The following ANKAR variants were observed in gnomAD, a reference collection of about 807,000 sequenced individuals.
ANKAR encodes the protein ankyrin and armadillo repeat containing, also known as ankyrin and armadillo repeat-containing protein.
In ANKAR, 136 loss-of-function variants were observed where a neutral mutation model predicts 146.2. The observed-to-expected ratio is 0.93, with a 90% CI of 0.81 to 1.07. ANKAR has a LOEUF of 1.07. Ranked by LOEUF, ANKAR falls within the 50% of genes least tolerant of loss-of-function variation. The pLI is 0.00. For synonymous variants in ANKAR, 500 were observed against 575.8 expected (o/e 0.87, Z 1.88); for missense variants, 1,567 against 1,679.9 (o/e 0.93, Z 1.18).
At chr2:189,762,388 A>C (rs1574946428), downstream of ANKAR, 2 of 174,248 alleles carry the variant, frequency 1.1e-5, no homozygotes, top group Admixed American at 1.3e-4. Flanking sequence ...ACCACACTAA[A>C]GGGACACGGC....
intron 10 of ANKAR, among the ~76,000 whole-genome samples, chr2:189,718,787 G>A (rs2040876071): frequency 6.9e-6 from 1 of 144,058 alleles, no homozygotes; most frequent in African/African-American, 2.6e-5. Flanking sequence ...CTGTCGCCCA[G>A]GCCGGACTGC....
chr2:189,762,962 T>C, downstream of ANKAR: 1 of 985,362 alleles, frequency 1.0e-6, no homozygotes, highest in Non-Finnish European at 1.2e-6. Context: ...ATTACACAGC[T>C]AGTGACTGAT....
intron 20 of ANKAR, 36 bp downstream of exon 20, chr2:189,741,487 A>G (rs1017264377): frequency 7.5e-6 from 11 of 1,475,648 alleles, no homozygotes; most frequent in Non-Finnish European, 8.4e-6. Flanking sequence ...AAAATTAAAT[A>G]TGCTAAAAAT....
chr2:189,676,574 A>G lies in ANKAR; in HGVS notation c.84A>G (p.Gln28=). 1 of 1,611,302 alleles carries G rather than the reference A, an allele frequency of 6.2e-7. No homozygotes were observed. The highest frequency in any genetic ancestry group is 8.5e-7 in the Non-Finnish European group (1 of 1,179,732). ...CCTACCTGGAAAATTTAGCAATACA[A>G]AGAAATGCATCTGCTTTTTTTGAAA... The part of the protein sequence containing the change: ...EDTYLENLAI[Q]RNASAFFEKY... The change falls in exon 2 of 23, where the codon CAA becomes CAG. Residue 28 remains glutamine, a synonymous_variant. Coordinates refer to ENST00000684021, the MANE Select transcript of ANKAR (RefSeq NM_001378068.1).
chr2:189,750,544 T>TAATTA (rs752649105), downstream of ANKAR: 1 of 1,157,824 alleles, frequency 8.6e-7, no homozygotes, highest in South Asian at 1.4e-5. Context: ...TTAACCTTAA[T>TAATTA]ACTACCTTTA....
intron 16 of ANKAR, 117 bp downstream of exon 16, chr2:189,730,718 A>C: frequency 2.1e-6 from 1 of 465,176 alleles, no homozygotes; most frequent in East Asian, 3.8e-5. Context: ...TTTAAACTAA[A>C]TCCTATTTTT....
At position 189,711,249 on chromosome 2, in the gene ANKAR, A is replaced by G. The variant is rs570564850; in HGVS notation, c.2224+96A>G. On this transcript the variant is annotated intron_variant, in intron 10 of 22. Transcript: ENST00000684021. Reference sequence around the variant, plus strand: ...TTAAATATATTTTTAATTGTAAAGGAAAAATTTTAGTTGATTTTCAGTTTC... The same window carrying G: ...TTAAATATATTTTTAATTGTAAAGGGAAAATTTTAGTTGATTTTCAGTTTC... 481 of 937,502 alleles carry G rather than the reference A, an allele frequency of 5.1e-4. 4 individuals are homozygous for G. In the Admixed American group the frequency reaches 0.013, roughly 26 times the overall value. 58.1% of individuals were successfully genotyped at this position (937,502 alleles called of 1,614,324 possible).
At chr2:189,713,637 C>T (rs1229608000) in intron 10 of ANKAR, among the ~76,000 whole-genome samples, 1 of 152,196 alleles carries the variant, frequency 6.6e-6, no homozygotes, top group Non-Finnish European at 1.5e-5. Context: ...AAGGAACAAC[C>T]AGTACCAGCC....
Position 189,696,153 on chromosome 2 carries a change from AT to A in ANKAR, c.1494del (p.Pro499HisfsTer4). 1 of 1,613,744 alleles carries A rather than the reference AT, an allele frequency of 6.2e-7. No homozygotes were observed. Among genetic ancestry groups the A allele is most frequent in the Non-Finnish European group, 8.5e-7 (1 of 1,179,898 alleles). On this transcript the variant is annotated frameshift_variant, in exon 7 of 23. Transcript: ENST00000684021. LOFTEE classifies it high-confidence loss of function. ...GFKRAMKCKSIPFGMKSAVER... is the reference protein window; with the variant it reads ...GFKRAMKCKSXPFGMKSAVER... The stretch of plus-strand genomic sequence containing the variant: ...ATTCTGGCCTTCTTAATTTTAGAGT[AT>A]TCCATTTGGTATGAAGTCCGCTGTT...
At chr2:189,755,800 T>C (rs1463490592) in intron 18 of ANKAR, among the ~76,000 whole-genome samples, 3 of 152,206 alleles carry the variant, frequency 2.0e-5, no homozygotes, top group Non-Finnish European at 1.5e-5. Context: ...GATTTGTTTG[T>C]TGACAAATGA....
At chr2:189,704,591 AT>A (rs2038641240) in intron 7 of ANKAR, among the ~76,000 whole-genome samples, 3 of 109,928 alleles carry the variant, frequency 2.7e-5, no homozygotes, top group South Asian at 2.8e-4. Context: ...ATATATATAT[AT>A]ATATAATTTT....
intron 17 of ANKAR, among the ~76,000 whole-genome samples, chr2:189,733,516 C>T (rs1190393876): frequency 6.6e-6 from 1 of 152,124 alleles, no homozygotes; most frequent in Non-Finnish European, 1.5e-5. Flanking sequence ...TAATTTTATG[C>T]CCTTTCAGCC....
chr2:189,676,441 T>A lies in ANKAR; in HGVS notation c.-35-15T>A. The A allele has an allele frequency of 6.8e-7, 1 of 1,476,334 alleles. No homozygotes were observed. The highest frequency in any genetic ancestry group is 9.0e-7 in the Non-Finnish European group (1 of 1,116,704). 91.5% of individuals were successfully genotyped at this position (1,476,334 alleles called of 1,614,324 possible). On this transcript the variant is annotated splice_polypyrimidine_tract_variant and intron_variant, in intron 1 of 22. Transcript: ENST00000684021. The stretch of plus-strand genomic sequence containing the variant: ...CAGATTTTATTGATAATCTTTTCCT[T>A]CTTATTCATTGCAGAAGCTTCAAAA...
chr2:189,733,518 C>T (rs1443323320), intron 17 of ANKAR, among the ~76,000 whole-genome samples: 1 of 152,130 alleles, frequency 6.6e-6, no homozygotes, highest in Non-Finnish European at 1.5e-5. Flanking sequence ...ATTTTATGCC[C>T]TTTCAGCCCT....
intron 10 of ANKAR, among the ~76,000 whole-genome samples, chr2:189,714,934 A>G (rs920384697): frequency 1.5e-5 from 2 of 131,082 alleles, no homozygotes; most frequent in Non-Finnish European, 1.6e-5. Context: ...CGACAGAGTG[A>G]GACTCCATCT....
chr2:189,692,190 T>G, intron 3 of ANKAR, 65 bp from the exon 4 acceptor site: 1 of 1,344,734 alleles, frequency 7.4e-7, no homozygotes, highest in Non-Finnish European at 1.0e-6. Context: ...AGAAGCTAGA[T>G]CTCTTAAAAT....
Position 189,719,547 on chromosome 2 carries a change from A to C in ANKAR, c.2225-25A>C, listed in dbSNP as rs147659765. 8.6e-4 allele frequency: 1,339 copies of C among 1,551,278 alleles called. 7 individuals are homozygous for C. In the African/African-American group the frequency reaches 0.016, roughly 18 times the overall value. ...TGGTTACCAATAATTCATGCTTTTT[A>C]ATTTTTTTGCTCTTGTCATTACAGG... On this transcript the variant is annotated intron_variant, in intron 10 of 22. Coordinates refer to ENST00000684021, the MANE Select transcript of ANKAR (RefSeq NM_001378068.1).
At chr2:189,755,889 A>G (rs1265562529) in intron 18 of ANKAR, among the ~76,000 whole-genome samples, 1 of 152,204 alleles carries the variant, frequency 6.6e-6, no homozygotes, top group Non-Finnish European at 1.5e-5. Flanking sequence ...TATTTAAGGA[A>G]AATTAATTTC....
downstream of ANKAR, chr2:189,762,814 C>T: frequency 1.0e-6 from 1 of 985,518 alleles, no homozygotes; most frequent in Non-Finnish European, 1.2e-6. Flanking sequence ...TGTGCAAGGT[C>T]CCGTCCAGAG....
Sources: gnomAD v4.1 joint callset for allele counts (sites outside exome capture counted in the v4.1 genomes callset) on GRCh38, gnomAD v4.1.1 for gene constraint, MANE v1.5 for transcripts, NCBI Gene and HGNC (gene_info 2026-07-23, HGNC 2026-07-21) for gene names.